Variants in ZBTB18 observed in about 807,000 individuals in gnomAD.
The protein encoded by ZBTB18 is zinc finger and BTB domain containing 18.
In ZBTB18, 2 loss-of-function variants were observed where a neutral mutation model predicts 37.7. The observed-to-expected ratio is 0.05, with a 90% confidence interval of 0.02 to 0.17. The LOEUF (loss-of-function observed/expected upper bound fraction) is 0.17, where lower values mean the gene tolerates loss of function less well. Ranked by LOEUF, ZBTB18 falls within the 10% of genes least tolerant of loss-of-function variation. The pLI is 1.00. For synonymous variants in ZBTB18, 304 were observed against 276.5 expected (o/e 1.10, Z -0.99); for missense variants, 408 against 686.3 (o/e 0.59, Z 4.53).
chr1:244,053,907 C>A lies in ZBTB18; in HGVS notation c.133C>A (p.Arg45=). 1.9e-6 allele frequency: 3 copies of A among 1,614,118 alleles called. No homozygotes were observed. Among genetic ancestry groups the A allele is most frequent in the Non-Finnish European group, 2.5e-6 (3 of 1,180,028 alleles). ...TGTTCTGGTGGGAGATGCCCAGTTCCGAGCGCACCGAGCTGTACTGGCTTC... is the reference window on the plus strand; with the variant it reads ...TGTTCTGGTGGGAGATGCCCAGTTCAGAGCGCACCGAGCTGTACTGGCTTC... ...CTVLVGDAQF[R]AHRAVLASCS... is the part of the protein sequence containing the mutation. Residue 45 remains arginine (R), a synonymous_variant, in exon 2 of 2, where the codon CGA becomes AGA. Coordinates refer to ENST00000358704, the MANE Select transcript of ZBTB18 (RefSeq NM_205768.3). The surrounding 1 kb of genome is among the most constrained non-coding windows in gnomAD (Gnocchi z 5.2).
At position 244,054,499 on chromosome 1, in the gene ZBTB18, C is replaced by G. The variant is rs768000553; in HGVS notation, c.725C>G (p.Ser242Trp). The G allele has an allele frequency of 6.2e-7, 1 of 1,614,206 alleles. No homozygotes were observed. Among genetic ancestry groups the G allele is most frequent in the Non-Finnish European group, 8.5e-7 (1 of 1,180,036 alleles). Residue 242 changes from serine to tryptophan, a missense_variant, in exon 2 of 2, where the codon TCG (serine) becomes TGG (tryptophan). This residue lies in a region of ZBTB18 where 266 missense variants were observed against 312.0 expected (regional missense o/e 0.85). Coordinates refer to ENST00000358704, the MANE Select transcript of ZBTB18 (RefSeq NM_205768.3). The surrounding 1 kb of genome is among the most constrained non-coding windows in gnomAD (Gnocchi z 9.0). ...SQRSVTSVRD[S>W]ADVDCVLDLS... ...AGGTCTGTCACCTCCGTGAGGGATT[C>G]GGCAGATGTTGACTGTGTGCTGGAC...
rs1462885183 is a variant in ZBTB18 at position 244,056,575 on chromosome 1, G to T, written c.*1205G>T. The T allele has an allele frequency of 6.0e-6, 1 of 165,798 alleles. No homozygotes were observed. The allele number at this position is 165,798 out of a possible 1,614,324, so 10.3% of individuals were successfully genotyped here. A position where few individuals can be genotyped will look rare whatever the true frequency, so the allele number is the denominator to read the frequency against. ...TCTTAGAATAACTACTGCACAAGTT[G>T]ACAATAGGTCGTTCTCTCTTTTTTT... On this transcript the variant is annotated 3_prime_UTR_variant, in exon 2 of 2. Coordinates refer to ENST00000358704, the MANE Select transcript of ZBTB18 (RefSeq NM_205768.3).
At chr1:244,050,586 T>C (rs1698328775), upstream of ZBTB18, among the ~76,000 whole-genome samples, 1 of 152,180 alleles carries the variant, frequency 6.6e-6, no homozygotes, top group African/African-American at 2.4e-5. Context: ...ATTGGTCTCG[T>C]TGAACTGAAG....
intron 1 of ZBTB18, among the ~76,000 whole-genome samples, chr1:244,051,842 C>A (rs1474811766): frequency 6.6e-6 from 1 of 152,080 alleles, no homozygotes; most frequent in Non-Finnish European, 1.5e-5. Flanking sequence ...AGTTAAGCAG[C>A]TAGATTGTTG....
upstream of ZBTB18, among the ~76,000 whole-genome samples, chr1:244,050,815 T>TA (rs1422791313): frequency 1.3e-5 from 2 of 151,966 alleles, no homozygotes; most frequent in Admixed American, 1.3e-4. Flanking sequence ...CAGAAAAAAA[T>TA]AAAAAAGTGC....
At position 244,056,927 on chromosome 1, in the gene ZBTB18, CT is replaced by C. The variant is rs142367529; in HGVS notation, c.*1567del. On this transcript the variant is annotated 3_prime_UTR_variant, in exon 2 of 2. Coordinates refer to ENST00000358704, the MANE Select transcript of ZBTB18 (RefSeq NM_205768.3). ...CATGGAAAACGTTTGCTGTTTTTCCCTTTTTTTTTTAATTGCTTTTGTTTAA... is the reference window on the plus strand; with the variant it reads ...CATGGAAAACGTTTGCTGTTTTTCCCTTTTTTTTTAATTGCTTTTGTTTAA... 749 of 161,466 alleles carry C rather than the reference CT, an allele frequency of 4.6e-3. 3 individuals carry two copies. Among genetic ancestry groups the C allele is most frequent in the African/African-American group, 0.016 (648 of 40,384 alleles). 10.0% of individuals were successfully genotyped at this position (161,466 alleles called of 1,614,324 possible).
upstream of ZBTB18, among the ~76,000 whole-genome samples, chr1:244,049,315 GC>G (rs1218289298): frequency 4.1e-5 from 6 of 147,496 alleles, no homozygotes; most frequent in Non-Finnish European, 9.1e-5. Flanking sequence ...CGGGCTCCCG[GC>G]CGGTGCAGCT....
intron 1 of ZBTB18, 71 bp downstream of exon 1, chr1:244,051,515 A>G: frequency 3.2e-6 from 5 of 1,582,092 alleles, no homozygotes; most frequent in South Asian, 2.2e-5. Flanking sequence ...TTTAAAAATC[A>G]CATTACTTTT....
rs954858455 is a variant in ZBTB18, at chr1:244,056,736, G to C, written c.*1366G>C. Reference sequence around the variant, plus strand: ...AAAAAGCCCCAGGCTGAAAGGACTGGACTGCCTTGATTGACATGGGGAAGG... The same window carrying C: ...AAAAAGCCCCAGGCTGAAAGGACTGCACTGCCTTGATTGACATGGGGAAGG... On this transcript the variant is annotated 3_prime_UTR_variant, in exon 2 of 2. Coordinates refer to ENST00000358704, the MANE Select transcript of ZBTB18 (RefSeq NM_205768.3). The C allele has an allele frequency of 2.4e-5, 4 of 165,182 alleles. No homozygotes were observed. Among genetic ancestry groups the C allele is most frequent in the Non-Finnish European group, 5.9e-5 (4 of 67,924 alleles). The allele number at this position is 165,182 out of a possible 1,614,324, so 10.2% of individuals were successfully genotyped here.
At chr1:244,049,690 C>T (rs1698310715), upstream of ZBTB18, among the ~76,000 whole-genome samples, 1 of 152,216 alleles carries the variant, frequency 6.6e-6, no homozygotes, top group African/African-American at 2.4e-5. Context: ...GTGGTTTTAA[C>T]CTTCCTCTTT....
chr1:244,051,357 T>C lies in ZBTB18; in HGVS notation c.-75T>C. On this transcript the variant is annotated 5_prime_UTR_variant, in exon 1 of 2. Coordinates refer to ENST00000358704, the MANE Select transcript of ZBTB18 (RefSeq NM_205768.3). ...CATCTCCACTTTGCATCTGTCTCTCTTAGTCTGCTTTTTTTCCACCGATGT... is the reference window on the plus strand; with the variant it reads ...CATCTCCACTTTGCATCTGTCTCTCCTAGTCTGCTTTTTTTCCACCGATGT... 6.4e-7 allele frequency: 1 copy of C among 1,555,954 alleles called. No individual in the cohort carries two copies.
chr1:244,049,653 G>C (rs1698310040), upstream of ZBTB18, among the ~76,000 whole-genome samples: 1 of 152,184 alleles, frequency 6.6e-6, no homozygotes, highest in African/African-American at 2.4e-5. Flanking sequence ...CTGCTGCACC[G>C]GCTCTGCGCC....
chr1:244,055,274 G>A lies in ZBTB18; in HGVS notation c.1500G>A (p.Glu500=), dbSNP rs1388065591. 2 of 1,613,886 alleles carry A rather than the reference G, an allele frequency of 1.2e-6. No individual in the cohort carries two copies. Among genetic ancestry groups the A allele is most frequent in the Non-Finnish European group, 1.7e-6 (2 of 1,179,988 alleles). Residue 500 remains glutamate, a synonymous_variant, in exon 2 of 2, where the codon GAG becomes GAA. Coordinates refer to ENST00000358704, the MANE Select transcript of ZBTB18 (RefSeq NM_205768.3). The surrounding 1 kb of genome is among the most constrained non-coding windows in gnomAD (Gnocchi z 7.0). ...GACACATTCGCAAGTTCCACTGTGA[G>A]TTGGTGAACTCCTTGTCGGTCAAAA... ...LYRHIRKFHC[E]LVNSLSVKSE... is the part of the protein sequence containing the mutation.
chr1:244,048,628 G>GCCCCCCCCCCCCCCC (rs1325001619), upstream of ZBTB18, among the ~76,000 whole-genome samples: 9 of 79,438 alleles, frequency 1.1e-4, no homozygotes, highest in Non-Finnish European at 1.5e-4. Flanking sequence ...CCCCGCGCCC[G>GCCCCCCCCCCCCCCC]CCCCCCCCCC....
At position 244,054,605 on chromosome 1, in the gene ZBTB18, C is replaced by T. The variant is rs1041901701; in HGVS notation, c.831C>T (p.Asn277=). Residue 277 remains asparagine (N), a synonymous_variant, in exon 2 of 2, where the codon AAC becomes AAT. Transcript: ENST00000358704. The surrounding 1 kb of genome is among the most constrained non-coding windows in gnomAD (Gnocchi z 9.0). ...YFSSQDVLRS[N]LVQVKVEKEA... is the part of the protein sequence containing the mutation. ...CTTCACAGGACGTGCTGAGAAGCAA[C>T]CTGGTGCAGGTGAAGGTGGAGAAAG... The T allele has an allele frequency of 6.2e-6, 10 of 1,614,194 alleles. 1 individual carries two copies. The Admixed American group carries it at 1.7e-4, about 27-fold the overall frequency.
Position 244,055,157 on chromosome 1 carries a change from C to T in ZBTB18, c.1383C>T (p.Asn461=). Residue 461 remains asparagine, a synonymous_variant, in exon 2 of 2, where the codon AAC becomes AAT. Coordinates refer to ENST00000358704, the MANE Select transcript of ZBTB18 (RefSeq NM_205768.3). This position sits in a 1 kb window ranked among gnomAD's most constrained non-coding sequence, Gnocchi z 7.0. The part of the protein sequence containing the change: ...QCGKSFQYSH[N]LSRHAVVHTR... ...GCAAGAGCTTCCAGTACTCGCACAA[C>T]CTGAGCCGCCATGCCGTGGTGCACA... is the stretch of plus-strand genomic sequence containing the variant. 6.2e-7 allele frequency: 1 copy of T among 1,614,128 alleles called. No individual in the cohort carries two copies. The highest frequency in any genetic ancestry group is 8.5e-7 in the Non-Finnish European group (1 of 1,180,046).
Position 244,056,261 on chromosome 1 carries a change from A to G in ZBTB18, c.*891A>G, listed in dbSNP as rs2486536. 1 allele frequency: 167,052 copies of G among 167,184 alleles called. 83,460 individuals are homozygous for G. Among genetic ancestry groups the G allele is most frequent in the Middle Eastern group, 1 (296 of 296 alleles). The allele number at this position is 167,184 out of a possible 1,614,324, so 10.4% of individuals were successfully genotyped here. A position where few individuals can be genotyped will look rare whatever the true frequency, so the allele number is the denominator to read the frequency against. Reference sequence around the variant, plus strand: ...ATTATTTAATTTCCTTAGAAAAATAACACCATTTGGAAAAAAAAACTGGTG... The same window carrying G: ...ATTATTTAATTTCCTTAGAAAAATAGCACCATTTGGAAAAAAAAACTGGTG... On this transcript the variant is annotated 3_prime_UTR_variant, in exon 2 of 2. Coordinates refer to ENST00000358704, the MANE Select transcript of ZBTB18 (RefSeq NM_205768.3).
upstream of ZBTB18, among the ~76,000 whole-genome samples, chr1:244,050,566 C>T (rs1018249668): frequency 2.0e-5 from 3 of 151,964 alleles, no homozygotes; most frequent in African/African-American, 4.8e-5. Flanking sequence ...CAGGTTGTAT[C>T]AGTTTATTAA....
chr1:244,053,562 G>A lies in ZBTB18; in HGVS notation c.14-226G>A, dbSNP rs1014209191. ...TTGGGTTCAAGGAAGATGGAGATGC[G>A]TCGGAAGCTCTTTGGCGGGGGTGAG... is the stretch of plus-strand genomic sequence containing the variant. On this transcript the variant is annotated intron_variant, in intron 1 of 1. Coordinates refer to ENST00000358704, the MANE Select transcript of ZBTB18 (RefSeq NM_205768.3). This position sits in a 1 kb window ranked among gnomAD's most constrained non-coding sequence, Gnocchi z 5.2. Among the ~76,000 whole-genome samples the A allele has an allele frequency of 9.9e-5, 15 of 152,190 alleles. No individual in the cohort carries two copies. Among genetic ancestry groups the A allele is most frequent in the African/African-American group, 2.9e-4 (12 of 41,430 alleles).
Sources: gnomAD v4.1 joint callset for allele counts (sites outside exome capture counted in the v4.1 genomes callset) on GRCh38, gnomAD v4.1.1 for gene constraint, gnomAD v4.1.1 regional missense constraint, Gnocchi (gnomAD v3.1) non-coding constraint, MANE v1.5 for transcripts, NCBI Gene and HGNC (gene_info 2026-07-23, HGNC 2026-07-21) for gene names.